Variants in TRPC5 observed in about 807,000 individuals in gnomAD.
TRPC5 encodes transient receptor potential cation channel subfamily C member 5.
In TRPC5, 9 loss-of-function variants were observed where a neutral mutation model predicts 56.5. The observed-to-expected ratio is 0.16, with a 90% CI of 0.10 to 0.28. The LOEUF is 0.28. Among genes scored for constraint, TRPC5 ranks in the 10% least tolerant of loss-of-function variants. The pLI is 1.00. For synonymous variants in TRPC5, 282 were observed against 278.5 expected (o/e 1.01, Z -0.13); for missense variants, 469 against 748.9 (o/e 0.63, Z 4.36).
intron 2 of TRPC5, among the ~76,000 whole-genome samples, chrX:111,928,862 A>G (rs1227864004): frequency 8.9e-6 from 1 of 112,415 alleles, no homozygotes; most frequent in Non-Finnish European, 1.9e-5. Context: ...CAGTTTACAC[A>G]TAATGATGAA....
chrX:111,945,402 A>G (rs1926907198), intron 2 of TRPC5, among the ~76,000 whole-genome samples: 1 of 110,033 alleles, frequency 9.1e-6, no homozygotes, highest in African/African-American at 3.3e-5. Flanking sequence ...TAAACAGGCC[A>G]CAGTGATTAG....
At chrX:111,889,971 G>A (rs1428140153) in intron 3 of TRPC5, among the ~76,000 whole-genome samples, 2 of 111,325 alleles carry the variant, frequency 1.8e-5, no homozygotes, top group African/African-American at 6.5e-5. Flanking sequence ...TAATGAAATG[G>A]TTGTCCTCAA....
At chrX:111,930,018 G>C in intron 2 of TRPC5, among the ~76,000 whole-genome samples, 1 of 112,173 alleles carries the variant, frequency 8.9e-6, no homozygotes, top group South Asian at 3.7e-4. Context: ...GCTCAAACAT[G>C]TGGTGATATG....
At chrX:111,906,155 G>T (rs1289533522) in intron 3 of TRPC5, among the ~76,000 whole-genome samples, 2 of 109,101 alleles carry the variant, frequency 1.8e-5, no homozygotes, top group East Asian at 5.8e-4. Context: ...TGGAGTTCCA[G>T]ACCAGCCTGG....
chrX:111,825,163 CTTT>C (rs1922165958), intron 7 of TRPC5, among the ~76,000 whole-genome samples: 1 of 60,927 alleles, frequency 1.6e-5, no homozygotes, highest in Non-Finnish European at 3.1e-5. Flanking sequence ...TTCTTTCTTT[CTTT>C]CTTTCTTTCT....
chrX:111,983,350 G>A (rs997945849), intron 1 of TRPC5, among the ~76,000 whole-genome samples: 1 of 111,277 alleles, frequency 9.0e-6, no homozygotes, highest in African/African-American at 3.3e-5. Flanking sequence ...AAACCCATTG[G>A]TGATGATGGA....
rs749025514 is a variant in TRPC5, at chrX:111,960,105, C to T, written c.-21-7664G>A. On this transcript the variant is annotated intron_variant, in intron 1 of 10. Transcript: ENST00000262839. Reference sequence around the variant, plus strand: ...GCACTCAATAGCTACATGTGGCTCACGGTTACTGTACTGGAAAGTATAGAC... The same window carrying T: ...GCACTCAATAGCTACATGTGGCTCATGGTTACTGTACTGGAAAGTATAGAC... 8.0e-5 allele frequency among the ~76,000 whole-genome samples: 9 copies of T among 112,065 alleles called. No homozygotes were observed. In the South Asian group the frequency reaches 2.3e-3, roughly 28 times the overall value.
chrX:111,788,820 G>T (rs939384723), intron 7 of TRPC5, among the ~76,000 whole-genome samples: 2 of 111,183 alleles, frequency 1.8e-5, no homozygotes, highest in African/African-American at 6.5e-5. Flanking sequence ...CACAATTGCT[G>T]CAAAGAGAAT....
chrX:111,840,806 A>C (rs1922708326), intron 6 of TRPC5, among the ~76,000 whole-genome samples: 1 of 112,415 alleles, frequency 8.9e-6, no homozygotes, highest in Admixed American at 9.4e-5. Flanking sequence ...AGCATTAATA[A>C]TAGCAGCTAT....
chrX:111,836,218 T>G (rs1486032861), intron 6 of TRPC5, among the ~76,000 whole-genome samples: 1 of 112,115 alleles, frequency 8.9e-6, no homozygotes, highest in East Asian at 2.8e-4. Flanking sequence ...TTTCTTTTGC[T>G]TTATATTCAG....
chrX:111,822,919 C>A (rs1004317051), intron 7 of TRPC5, among the ~76,000 whole-genome samples: 8 of 111,387 alleles, frequency 7.2e-5, no homozygotes, highest in Non-Finnish European at 1.5e-4. Flanking sequence ...AACATCCCAG[C>A]TGAGTCTGGG....
intron 1 of TRPC5, among the ~76,000 whole-genome samples, chrX:111,987,263 C>T (rs748339233): frequency 5.4e-5 from 6 of 111,654 alleles, no homozygotes; most frequent in East Asian, 2.8e-4. Context: ...TTTTGATATA[C>T]GTATACATAG....
chrX:112,029,358 G>A (rs1033906746), intron 1 of TRPC5, among the ~76,000 whole-genome samples: 2 of 111,962 alleles, frequency 1.8e-5, no homozygotes, highest in African/African-American at 6.5e-5. Flanking sequence ...GTACTTTATT[G>A]TGTATATGTA....
chrX:111,915,682 G>GCC (rs1925954069), intron 2 of TRPC5, among the ~76,000 whole-genome samples: 1 of 112,101 alleles, frequency 8.9e-6, no homozygotes, highest in Admixed American at 9.4e-5. Flanking sequence ...CCTTGATAAG[G>GCC]TTATGAGCTC....
At chrX:111,825,810 G>A (rs754292359) in intron 7 of TRPC5, among the ~76,000 whole-genome samples, 2 of 111,635 alleles carry the variant, frequency 1.8e-5, no homozygotes, top group East Asian at 5.7e-4. Context: ...GGAGGAGATG[G>A]CTGGCGGAAT....
intron 1 of TRPC5, among the ~76,000 whole-genome samples, chrX:112,002,730 A>G (rs1928729247): frequency 8.9e-6 from 1 of 111,834 alleles, no homozygotes; most frequent in Non-Finnish European, 1.9e-5. Context: ...GGTACCCCGC[A>G]TGTCTTAGAA....
chrX:112,002,546 A>G (rs1462984586), intron 1 of TRPC5, among the ~76,000 whole-genome samples: 2 of 111,978 alleles, frequency 1.8e-5, no homozygotes, highest in Admixed American at 1.9e-4. Context: ...GGCATTAAAC[A>G]TACAAACAAA....
intron 6 of TRPC5, among the ~76,000 whole-genome samples, chrX:111,838,105 C>A (rs868283879): frequency 1.0e-5 from 1 of 100,304 alleles, no homozygotes; most frequent in Non-Finnish European, 1.9e-5. Context: ...AAATAATAAA[C>A]AAACAAAGAA....
chrX:111,797,325 A>G (rs1020399888), intron 7 of TRPC5, among the ~76,000 whole-genome samples: 1 of 112,203 alleles, frequency 8.9e-6, no homozygotes, highest in Non-Finnish European at 1.9e-5. Flanking sequence ...TATATTTTCA[A>G]AGGAAACTGC....
Sources: gnomAD v4.1 joint callset for allele counts (sites outside exome capture counted in the v4.1 genomes callset) on GRCh38, gnomAD v4.1.1 for gene constraint, MANE v1.5 for transcripts, NCBI Gene and HGNC (gene_info 2026-07-23, HGNC 2026-07-21) for gene names.